The following ULK4 variants were observed in gnomAD, a reference collection of about 807,000 sequenced individuals.
The protein encoded by ULK4 is unc-51 like kinase 4.
In ULK4, 133 loss-of-function variants were observed where a neutral mutation model predicts 160.6. The ratio of observed to expected loss-of-function variants is 0.83; its 90% CI spans 0.72 to 0.96. The LOEUF is 0.96. Among genes scored for constraint, ULK4 ranks in the 40% least tolerant of loss-of-function variants. The pLI is 0.00. For synonymous variants in ULK4, 534 were observed against 539.8 expected, an observed-to-expected ratio of 0.99 and a Z score of 0.15; for missense variants, 1,580 against 1,499.5, an observed-to-expected ratio of 1.05 and a Z score of -0.89.
intron 35 of ULK4, among the ~76,000 whole-genome samples, chr3:41,356,540 C>T (rs1279156452): frequency 6.6e-6 from 1 of 152,146 alleles, no homozygotes; most frequent in Non-Finnish European, 1.5e-5. Context: ...CCTCACAAGC[C>T]AGTGCAAAAA....
chr3:41,634,149 T>C (rs1323093536), intron 30 of ULK4, among the ~76,000 whole-genome samples: 1 of 152,208 alleles, frequency 6.6e-6, no homozygotes, highest in Non-Finnish European at 1.5e-5. Context: ...TTTCACCTGA[T>C]GGATGGCCTA....
intron 18 of ULK4, among the ~76,000 whole-genome samples, chr3:41,830,774 A>G (rs2041553648): frequency 6.6e-6 from 1 of 152,074 alleles, no homozygotes; most frequent in Non-Finnish European, 1.5e-5. Context: ...AAGAATAATT[A>G]AGCCAAAAAT....
chr3:41,819,361 T>C (rs2041065780), intron 19 of ULK4, 62 bp downstream of exon 19: 4 of 1,495,610 alleles, frequency 2.7e-6, no homozygotes, highest in Admixed American at 1.9e-5. Flanking sequence ...ACAATCCTCA[T>C]ACAGTGCCTG....
At position 41,583,362 on chromosome 3, in the gene ULK4, A is replaced by G. The variant is rs2030532393; in HGVS notation, c.3121-17232T>C. 3.3e-5 allele frequency among the ~76,000 whole-genome samples: 5 copies of G among 152,328 alleles called. No individual in the cohort carries two copies. The South Asian group carries it at 1.0e-3, about 32-fold the overall frequency. ...GCAATTTGATTTGCAAGCATAAATA[A>G]GTCTCATTTATTTTCCACTATGAAT... is the stretch of plus-strand genomic sequence containing the variant. On this transcript the variant is annotated intron_variant, in intron 31 of 36. Coordinates refer to ENST00000301831, the MANE Select transcript of ULK4 (RefSeq NM_017886.4).
At chr3:41,459,155 G>GGCC (rs1362434042) in intron 33 of ULK4, among the ~76,000 whole-genome samples, 1 of 152,154 alleles carries the variant, frequency 6.6e-6, no homozygotes, top group Non-Finnish European at 1.5e-5. Context: ...AGGTTCAAAT[G>GGCC]ATTCTCCTGC....
At chr3:41,842,170 T>C (rs1208688952) in intron 17 of ULK4, among the ~76,000 whole-genome samples, 1 of 123,292 alleles carries the variant, frequency 8.1e-6, no homozygotes, top group South Asian at 2.5e-4. Flanking sequence ...AACGCTGCAA[T>C]GAACATGTAA....
intron 17 of ULK4, among the ~76,000 whole-genome samples, chr3:41,863,093 G>T (rs1226575435): frequency 6.6e-6 from 1 of 152,094 alleles, no homozygotes; most frequent in Admixed American, 6.5e-5. Flanking sequence ...CAGGAGTCAG[G>T]GACTAGAGTC....
At chr3:41,577,492 A>G (rs1294245091) in intron 31 of ULK4, among the ~76,000 whole-genome samples, 2 of 152,148 alleles carry the variant, frequency 1.3e-5, no homozygotes, top group Admixed American at 1.3e-4. Context: ...TAATCCAATT[A>G]TACTTTTATT....
chr3:41,648,381 C>T (rs1055068953), intron 30 of ULK4, among the ~76,000 whole-genome samples: 3 of 129,872 alleles, frequency 2.3e-5, no homozygotes, highest in African/African-American at 7.5e-5. Flanking sequence ...AAGTAAGAAA[C>T]AAAGGATAGT....
At chr3:41,918,306 A>C in intron 7 of ULK4, 151 bp downstream of exon 7, 1 of 485,634 alleles carries the variant, frequency 2.1e-6, no homozygotes. Context: ...TGGCAAAAGA[A>C]ATACTAACAT....
chr3:41,358,919 G>T (rs2081078328), intron 35 of ULK4, among the ~76,000 whole-genome samples: 1 of 152,160 alleles, frequency 6.6e-6, no homozygotes, highest in Admixed American at 6.6e-5. Context: ...AACCATGTGT[G>T]GGGTGACGGA....
At chr3:41,880,845 C>G (rs950804633) in intron 17 of ULK4, among the ~76,000 whole-genome samples, 2 of 152,106 alleles carry the variant, frequency 1.3e-5, no homozygotes, top group Non-Finnish European at 2.9e-5. Flanking sequence ...ATCTCTTCAA[C>G]CCGGGAGGCA....
intron 18 of ULK4, among the ~76,000 whole-genome samples, chr3:41,831,006 TA>T (rs1055741081): frequency 6.3e-5 from 8 of 127,500 alleles, no homozygotes; most frequent in Non-Finnish European, 9.3e-5. Context: ...ATGTTTTTAT[TA>T]TTTTTTTTAT....
At chr3:41,372,533 C>A (rs1488365334) in intron 35 of ULK4, among the ~76,000 whole-genome samples, 1 of 152,080 alleles carries the variant, frequency 6.6e-6, no homozygotes, top group Non-Finnish European at 1.5e-5. Flanking sequence ...TCATATCCAG[C>A]CAAACTAAGC....
intron 20 of ULK4, among the ~76,000 whole-genome samples, chr3:41,794,638 G>C (rs1281725135): frequency 1.0e-5 from 1 of 95,456 alleles, no homozygotes; most frequent in Non-Finnish European, 1.9e-5. Flanking sequence ...TCCAGCCTGG[G>C]TGACAGAGCA....
intron 32 of ULK4, among the ~76,000 whole-genome samples, chr3:41,559,286 T>C (rs1226201651): frequency 8.5e-6 from 1 of 117,002 alleles, no homozygotes. Flanking sequence ...TTGTTGGACA[T>C]TTGGATTGGT....
intron 20 of ULK4, among the ~76,000 whole-genome samples, chr3:41,799,044 T>C (rs958431095): frequency 2.0e-5 from 3 of 152,098 alleles, no homozygotes; most frequent in Non-Finnish European, 4.4e-5. Context: ...TGTCTTCACT[T>C]TTCCCTGGGC....
intron 22 of ULK4, among the ~76,000 whole-genome samples, chr3:41,720,817 G>A (rs2037424098): frequency 6.6e-6 from 1 of 152,132 alleles, no homozygotes; most frequent in African/African-American, 2.4e-5. Flanking sequence ...ATCCCAGGCA[G>A]AGTGAGCTGG....
chr3:41,878,954 C>A (rs1045525963), intron 17 of ULK4, among the ~76,000 whole-genome samples: 8 of 151,830 alleles, frequency 5.3e-5, no homozygotes, highest in Admixed American at 3.3e-4. Flanking sequence ...AGCAGCCATG[C>A]GCAAGAAAGG....
Sources: gnomAD v4.1 joint callset for allele counts (sites outside exome capture counted in the v4.1 genomes callset) on GRCh38, gnomAD v4.1.1 for gene constraint, MANE v1.5 for transcripts, NCBI Gene and HGNC (gene_info 2026-07-23, HGNC 2026-07-21) for gene names.